The following RALGAPA1 variants were observed in gnomAD, a reference collection of about 807,000 sequenced individuals.
RALGAPA1 encodes ral GTPase-activating protein subunit alpha-1.
A neutral mutation model predicts 269.6 loss-of-function variants in RALGAPA1; 52 were observed. That is an observed-to-expected ratio of 0.19 (90% CI 0.15 to 0.24). RALGAPA1 has a LOEUF of 0.24. Ranked by LOEUF, RALGAPA1 falls within the 10% of genes least tolerant of loss-of-function variation. RALGAPA1 has a pLI of 1.00. For missense variants in RALGAPA1, 1,917 were observed against 3,013.9 expected (o/e 0.64, Z 8.52); for synonymous variants, 817 against 1,008.3 (o/e 0.81, Z 3.60).
intron 28 of RALGAPA1, among the ~76,000 whole-genome samples, chr14:35,656,750 G>A (rs763197630): frequency 3.3e-5 from 5 of 152,116 alleles, no homozygotes; most frequent in Non-Finnish European, 7.4e-5. Context: ...TCTTCTTTCA[G>A]TCTAGAGTGT....
chr14:35,788,079 C>T (rs539601364), intron 1 of RALGAPA1, among the ~76,000 whole-genome samples: 1 of 152,184 alleles, frequency 6.6e-6, no homozygotes, highest in African/African-American at 2.4e-5. Flanking sequence ...TCAAGCGATT[C>T]TCCTGCCTCA....
At chr14:35,558,127 T>TA (rs1019066762) in intron 39 of RALGAPA1, among the ~76,000 whole-genome samples, 113 of 152,036 alleles carry the variant, frequency 7.4e-4, no homozygotes, top group African/African-American at 2.6e-3. Context: ...ACCCTCACAT[T>TA]AAAAAAAATC....
intron 1 of RALGAPA1, among the ~76,000 whole-genome samples, chr14:35,806,754 C>T (rs1208523335): frequency 6.6e-6 from 1 of 152,088 alleles, no homozygotes; most frequent in Non-Finnish European, 1.5e-5. Context: ...ATTGTGTTTA[C>T]CTTATTTAAA....
rs1268655029 is a variant in RALGAPA1, at chr14:35,605,247, T to C, written c.7053+339A>G. Among the ~76,000 whole-genome samples the C allele has an allele frequency of 3.9e-5, 6 of 152,134 alleles. No homozygotes were observed. The East Asian group carries it at 5.8e-4, about 15-fold the overall frequency. On this transcript the variant is annotated intron_variant, in intron 36 of 41. Transcript: ENST00000680220. ...AAGCTAATTTCCTCAAAACTGTGTA[T>C]ACCCACACATTCCTGGAAAGCCTTT...
chr14:35,629,143 G>T (rs1351056266), intron 33 of RALGAPA1, among the ~76,000 whole-genome samples: 1 of 152,152 alleles, frequency 6.6e-6, no homozygotes, highest in African/African-American at 2.4e-5. Flanking sequence ...TGTTGATGTG[G>T]AAGCCAGTTT....
intron 12 of RALGAPA1, among the ~76,000 whole-genome samples, chr14:35,732,169 T>C (rs2070544558): frequency 6.6e-6 from 1 of 152,156 alleles, no homozygotes; most frequent in East Asian, 1.9e-4. Context: ...TACAGTCTTT[T>C]TCAGATAAAC....
At position 35,723,031 on chromosome 14, in the gene RALGAPA1, C is replaced by T. The variant is rs1179209545; in HGVS notation, c.2100G>A (p.Gly700=). The T allele has an allele frequency of 3.8e-6, 6 of 1,588,812 alleles. No individual in the cohort carries two copies. Among genetic ancestry groups the T allele is most frequent in the African/African-American group, 2.7e-5 (2 of 74,360 alleles). The change falls in exon 15 of 42, where the codon GGG becomes GGA. Residue 700 remains glycine, a synonymous_variant. Transcript: ENST00000680220. ...LSEQKQKKHK[G]KGVGHEFQKV... Reference sequence around the variant, plus strand: ...ATCTCTATGAACAATTCTTACCTTTCCCTTTGTGCTTTTTTTGTTTCTGTT... The same window carrying T: ...ATCTCTATGAACAATTCTTACCTTTTCCTTTGTGCTTTTTTTGTTTCTGTT...
In RALGAPA1 at chr14:35,724,227, A is replaced by G. The variant is rs576197827; in HGVS notation, c.1866+797T>C. On this transcript the variant is annotated intron_variant, in intron 14 of 41. Transcript: ENST00000680220. ...AAAAATGGCTAATGAAGTTAAGAGG[A>G]GTTTAGATGATACATGTAGCTGGTT... is the stretch of plus-strand genomic sequence containing the variant. Among the ~76,000 whole-genome samples the G allele has an allele frequency of 2.6e-5, 4 of 152,276 alleles. No individual in the cohort carries two copies. In the South Asian group the frequency reaches 8.3e-4, roughly 32 times the overall value.
intron 39 of RALGAPA1, among the ~76,000 whole-genome samples, chr14:35,566,380 T>C (rs1201944137): frequency 6.6e-6 from 1 of 152,140 alleles, no homozygotes; most frequent in African/African-American, 2.4e-5. Context: ...AGGATAAAAT[T>C]TAAACTGTAT....
chr14:35,554,666 A>T (rs1259284044), intron 39 of RALGAPA1, among the ~76,000 whole-genome samples: 4 of 152,112 alleles, frequency 2.6e-5, no homozygotes, highest in African/African-American at 9.7e-5. Context: ...TTCTTAAGAA[A>T]TAGTTTTTAT....
intron 27 of RALGAPA1, among the ~76,000 whole-genome samples, chr14:35,663,243 C>T (rs2063672054): frequency 1.3e-5 from 2 of 151,568 alleles, no homozygotes; most frequent in African/African-American, 4.9e-5. Flanking sequence ...TGTTAGGGTA[C>T]GATGATATAG....
chr14:35,617,990 GAAAATAGAAA>G (rs2060370324), intron 35 of RALGAPA1, among the ~76,000 whole-genome samples: 1 of 151,802 alleles, frequency 6.6e-6, no homozygotes, highest in African/African-American at 2.4e-5. Context: ...TGGATTTTTA[GAAAATAGAAA>G]ACAAAACAAA....
intron 1 of RALGAPA1, among the ~76,000 whole-genome samples, chr14:35,806,675 T>C (rs1339407091): frequency 6.6e-6 from 1 of 152,162 alleles, no homozygotes; most frequent in Non-Finnish European, 1.5e-5. Context: ...CTATGAACTA[T>C]GGGACCAAAC....
chr14:35,691,430 T>C (rs2066473750), intron 17 of RALGAPA1, among the ~76,000 whole-genome samples: 2 of 151,974 alleles, frequency 1.3e-5, no homozygotes, highest in Non-Finnish European at 2.9e-5. Context: ...AAGGACAGAG[T>C]CAAAAAGTCA....
At chr14:35,701,906 C>T (rs2067385804) in intron 16 of RALGAPA1, among the ~76,000 whole-genome samples, 1 of 152,098 alleles carries the variant, frequency 6.6e-6, no homozygotes, top group African/African-American at 2.4e-5. Flanking sequence ...ACATTGGTCT[C>T]CCAAAGTACT....
Position 35,635,495 on chromosome 14 carries a change from G to A in RALGAPA1, c.5780C>T (p.Thr1927Ile). 2 of 1,603,756 alleles carry A rather than the reference G, an allele frequency of 1.2e-6. No homozygotes were observed. Among genetic ancestry groups the A allele is most frequent in the Non-Finnish European group, 1.7e-6 (2 of 1,175,938 alleles). Residue 1927 changes from threonine to isoleucine, a missense_variant, in exon 32 of 42, where the codon ACA (threonine) becomes ATA (isoleucine). Coordinates refer to ENST00000680220, the MANE Select transcript of RALGAPA1 (RefSeq NM_001346249.2). ...FHATGAESDK[T>I]EKSVLNCIYK... ...AATGCAATTGAGAACAGATTTTTCT[G>A]TTTTATCGCTTTCTGCTCCCGTAGC...
chr14:35,684,902 T>C (rs770508319), intron 20 of RALGAPA1, 27 bp downstream of exon 20: 34 of 1,598,872 alleles, frequency 2.1e-5, no homozygotes, highest in Middle Eastern at 1.7e-4. Flanking sequence ...ACATAAAACA[T>C]AGTATTCAAA....
At chr14:35,560,489 A>T (rs1394360932) in intron 39 of RALGAPA1, among the ~76,000 whole-genome samples, 1 of 152,130 alleles carries the variant, frequency 6.6e-6, no homozygotes, top group Non-Finnish European at 1.5e-5. Context: ...CCATTCCTCT[A>T]ATTTCCATCC....
At chr14:35,662,469 T>C (rs1310034834) in intron 27 of RALGAPA1, among the ~76,000 whole-genome samples, 1 of 152,208 alleles carries the variant, frequency 6.6e-6, no homozygotes, top group Non-Finnish European at 1.5e-5. Context: ...CTAAGAACAG[T>C]GATTACTTTT....
Sources: allele counts gnomAD v4.1 joint callset (sites outside exome capture counted in the v4.1 genomes callset), GRCh38; gene constraint gnomAD v4.1.1; transcripts MANE v1.5; gene names NCBI Gene and HGNC (gene_info 2026-07-23, HGNC 2026-07-21).